The following FABP6 variants were observed in gnomAD, a reference collection of about 807,000 sequenced individuals.
FABP6 encodes the protein fatty acid binding protein 6.
A neutral mutation model predicts 14.9 loss-of-function variants in FABP6; 13 were observed. The ratio of observed to expected loss-of-function variants is 0.87; its 90% CI spans 0.57 to 1.39. The LOEUF is 1.39. FABP6 is among the 40% of genes most tolerant of loss of function. The probability of loss-of-function intolerance (pLI) is 0.00; values close to 1 mark genes in which losing one functional copy is unlikely to be tolerated. For synonymous variants in FABP6, 75 were observed against 63.6 expected (o/e 1.18, Z -0.85); for missense variants, 161 against 167.2 (o/e 0.96, Z 0.20).
At chr5:160,188,867 T>G (rs2113045380) in intron 1 of FABP6, among the ~76,000 whole-genome samples, 1 of 152,242 alleles carries the variant, frequency 6.6e-6, no homozygotes, top group South Asian at 2.1e-4. Flanking sequence ...CCCATCCCCT[T>G]GGGGTGGCCC....
chr5:160,215,650 T>A (rs1303608016), intron 3 of FABP6, among the ~76,000 whole-genome samples: 2 of 149,008 alleles, frequency 1.3e-5, no homozygotes, highest in Non-Finnish European at 3.0e-5. Flanking sequence ...ATTTTGCCAC[T>A]GTACTCCAGT....
upstream of FABP6, chr5:160,229,490 T>C: frequency 1.2e-6 from 2 of 1,610,426 alleles, no homozygotes; most frequent in Non-Finnish European, 1.7e-6. Flanking sequence ...TAAGCTGGGA[T>C]AGCAGACCCC....
upstream of FABP6, among the ~76,000 whole-genome samples, chr5:160,227,796 A>G (rs1286966037): frequency 1.3e-5 from 2 of 151,142 alleles, no homozygotes; most frequent in Admixed American, 1.3e-4. Flanking sequence ...ATTTTTATAT[A>G]TATAACTTAA....
At chr5:160,195,283 C>CAAAAAAA (rs57229719) in intron 1 of FABP6, among the ~76,000 whole-genome samples, 33 of 63,600 alleles carry the variant, frequency 5.2e-4, no homozygotes, top group African/African-American at 1.8e-3. Context: ...GACTCTGTCT[C>CAAAAAAA]AAAAAAAAAA....
intron 3 of FABP6, among the ~76,000 whole-genome samples, chr5:160,214,371 C>T (rs542712443): frequency 6.6e-6 from 1 of 151,988 alleles, no homozygotes; most frequent in East Asian, 2.0e-4. Flanking sequence ...TGCTATGTTG[C>T]TCAGGCTGGT....
At chr5:160,188,242 C>A (rs1375702083) in intron 1 of FABP6, among the ~76,000 whole-genome samples, 2 of 152,134 alleles carry the variant, frequency 1.3e-5, no homozygotes, top group South Asian at 4.1e-4. Context: ...GGCCTCTCCT[C>A]CCGATTCCTT....
At chr5:160,206,198 G>A (rs1247704116) in intron 2 of FABP6, among the ~76,000 whole-genome samples, 3 of 152,146 alleles carry the variant, frequency 2.0e-5, no homozygotes, top group South Asian at 4.1e-4. Context: ...TTGGGAAGCC[G>A]AGGAGGGCAG....
chr5:160,226,128 G>A (rs147954840), upstream of FABP6, among the ~76,000 whole-genome samples: 398 of 149,702 alleles, frequency 2.7e-3, 2 homozygotes, highest in African/African-American at 9.0e-3. Context: ...GAGTCGAGAT[G>A]TGACACTGCA....
At chr5:160,221,107 AAGACTTG>A (rs1207121342) in intron 3 of FABP6, among the ~76,000 whole-genome samples, 18 of 151,396 alleles carry the variant, frequency 1.2e-4, no homozygotes, top group Non-Finnish European at 2.9e-5. Flanking sequence ...AAAAAAAAAA[AAGACTTG>A]AGACTTGAGG....
chr5:160,213,425 T>C (rs988057925), intron 2 of FABP6, among the ~76,000 whole-genome samples: 2 of 152,154 alleles, frequency 1.3e-5, no homozygotes, highest in Non-Finnish European at 2.9e-5. Flanking sequence ...GTGCTACCCT[T>C]GATAGGGGTG....
intron 1 of FABP6, among the ~76,000 whole-genome samples, chr5:160,193,707 G>A (rs912065479): frequency 1.3e-5 from 2 of 152,202 alleles, no homozygotes; most frequent in South Asian, 4.1e-4. Flanking sequence ...TAGACACAGG[G>A]TGCTGATTGG....
chr5:160,200,962 C>T (rs1188456048), intron 2 of FABP6, among the ~76,000 whole-genome samples: 2 of 152,146 alleles, frequency 1.3e-5, no homozygotes, highest in Non-Finnish European at 2.9e-5. Context: ...TGTTCTACTT[C>T]AGGGGATTTA....
At chr5:160,225,596 T>C (rs1473513228), upstream of FABP6, among the ~76,000 whole-genome samples, 1 of 151,206 alleles carries the variant, frequency 6.6e-6, no homozygotes, top group Non-Finnish European at 1.5e-5. Flanking sequence ...TAGAGATGGG[T>C]TTCACTGTTT....
chr5:160,230,221 T>C (rs548121734), intron 1 of FABP6, among the ~76,000 whole-genome samples: 1 of 152,026 alleles, frequency 6.6e-6, no homozygotes, highest in Non-Finnish European at 1.5e-5. Context: ...TAGAATATAT[T>C]AGTATTTCCA....
At chr5:160,207,753 C>G (rs960339552) in intron 2 of FABP6, among the ~76,000 whole-genome samples, 1 of 144,792 alleles carries the variant, frequency 6.9e-6, no homozygotes, top group Non-Finnish European at 1.5e-5. Context: ...GATGAAGTCT[C>G]GCTTTTGTCC....
Position 160,232,189 on chromosome 5 carries a change from C to A in FABP6, c.159C>A (p.His53Gln). 1.9e-6 allele frequency: 3 copies of A among 1,613,790 alleles called. No individual in the cohort carries two copies. Among genetic ancestry groups the A allele is most frequent in the Non-Finnish European group, 2.5e-6 (3 of 1,179,872 alleles). The change falls in exon 2 of 4, where the codon CAC becomes CAA. Residue 53 changes from histidine to glutamine, a missense_variant. Coordinates refer to ENST00000402432, the MANE Select transcript of FABP6 (RefSeq NM_001445.3). ...QDGQDFTWSQ[H>Q]YSGGHTMTNK... ...GGCAGGACTTCACTTGGTCCCAGCA[C>A]TACTCCGGGGGCCACACCATGACCA...
intron 2 of FABP6, among the ~76,000 whole-genome samples, chr5:160,204,298 TAGAG>T (rs1759711709): frequency 6.6e-6 from 1 of 152,000 alleles, no homozygotes; most frequent in Non-Finnish European, 1.5e-5. Context: ...GCCTGGGCAA[TAGAG>T]TGAGACTCCC....
At chr5:160,233,900 A>G (rs1364328535) in intron 2 of FABP6, among the ~76,000 whole-genome samples, 1 of 151,524 alleles carries the variant, frequency 6.6e-6, no homozygotes, top group African/African-American at 2.4e-5. Flanking sequence ...AAAGAAGTGA[A>G]GAAACCGAGG....
chr5:160,227,848 G>GTGTC (rs1307618863), upstream of FABP6, among the ~76,000 whole-genome samples: 6 of 149,006 alleles, frequency 4.0e-5, no homozygotes, highest in South Asian at 4.3e-4. Flanking sequence ...GTGTGTGTGT[G>GTGTC]TGTCTGTCTG....
Sources: allele counts gnomAD v4.1 joint callset (sites outside exome capture counted in the v4.1 genomes callset), GRCh38; gene constraint gnomAD v4.1.1; transcripts MANE v1.5; gene names NCBI Gene and HGNC (gene_info 2026-07-23, HGNC 2026-07-21).